The following SYNDIG1 variants were observed in gnomAD, a reference collection of about 807,000 sequenced individuals.
SYNDIG1 encodes synapse differentiation-inducing gene protein 1.
SYNDIG1 carries 9 observed loss-of-function variants against 19.4 expected under a neutral mutation model. The observed-to-expected ratio is 0.46, with a 90% confidence interval of 0.28 to 0.81. The LOEUF (loss-of-function observed/expected upper bound fraction) is 0.81, where lower values mean the gene tolerates loss of function less well. SYNDIG1 is among the 30% of genes least tolerant of loss of function. The pLI is 0.12. For missense variants in SYNDIG1, 311 were observed against 343.3 expected (o/e 0.91, Z 0.74); for synonymous variants, 141 against 145.9 (o/e 0.97, Z 0.24).
chr20:24,659,091 G>A, intron 3 of SYNDIG1, among the ~76,000 whole-genome samples: 1 of 152,100 alleles, frequency 6.6e-6, no homozygotes, highest in East Asian at 1.9e-4. Context: ...CTGTACTGCT[G>A]AGCGTGGCAT....
At chr20:24,544,469 G>C (rs1484975740) in intron 2 of SYNDIG1, among the ~76,000 whole-genome samples, 1 of 152,218 alleles carries the variant, frequency 6.6e-6, no homozygotes, top group African/African-American at 2.4e-5. Context: ...AAGGGGAAGG[G>C]ATGTCTGTTT....
chr20:24,614,765 T>C (rs1393478229), intron 3 of SYNDIG1, among the ~76,000 whole-genome samples: 1 of 152,186 alleles, frequency 6.6e-6, no homozygotes, highest in Non-Finnish European at 1.5e-5. Context: ...TATTGACAAA[T>C]TGTTGTCAAG....
chr20:24,624,888 CA>C (rs2059098363), intron 3 of SYNDIG1, among the ~76,000 whole-genome samples: 2 of 152,192 alleles, frequency 1.3e-5, no homozygotes, highest in South Asian at 4.1e-4. Context: ...AACTAAATAA[CA>C]GAAAGATACA....
intron 1 of SYNDIG1, among the ~76,000 whole-genome samples, chr20:24,515,636 G>C (rs1212314983): frequency 2.0e-5 from 3 of 151,914 alleles, no homozygotes; most frequent in African/African-American, 7.3e-5. Flanking sequence ...TACAAGGGAT[G>C]TGAAGGACCT....
chr20:24,544,422 C>A (rs564351827), intron 2 of SYNDIG1, among the ~76,000 whole-genome samples: 1 of 152,120 alleles, frequency 6.6e-6, no homozygotes, highest in African/African-American at 2.4e-5. Flanking sequence ...AGGAAACCGC[C>A]GAGCAGGTCC....
intron 1 of SYNDIG1, among the ~76,000 whole-genome samples, chr20:24,480,540 G>A (rs978151160): frequency 3.3e-5 from 5 of 152,200 alleles, no homozygotes; most frequent in African/African-American, 9.7e-5. Flanking sequence ...GTGAGAGGAC[G>A]TAGTTGCTAT....
intron 3 of SYNDIG1, among the ~76,000 whole-genome samples, chr20:24,585,971 GGCTGAGCCCAGCAGTT>G (rs1318203953): frequency 1.3e-5 from 2 of 152,224 alleles, no homozygotes; most frequent in Non-Finnish European, 1.5e-5. Context: ...CAGATTTCCT[GGCTGAGCCCAGCAGTT>G]GCTTCTTGAT....
intron 2 of SYNDIG1, among the ~76,000 whole-genome samples, chr20:24,571,634 T>C (rs750071247): frequency 4.6e-5 from 7 of 152,206 alleles, no homozygotes; most frequent in Non-Finnish European, 1.0e-4. Flanking sequence ...CTTAAATACA[T>C]GCTTTTCTTT....
At chr20:24,625,301 G>C (rs910384333) in intron 3 of SYNDIG1, among the ~76,000 whole-genome samples, 2 of 150,974 alleles carry the variant, frequency 1.3e-5, no homozygotes, top group Non-Finnish European at 2.9e-5. Context: ...TAAACCTCTA[G>C]CCAGGCTAAC....
At chr20:24,612,982 T>C (rs1194768715) in intron 3 of SYNDIG1, among the ~76,000 whole-genome samples, 1 of 152,152 alleles carries the variant, frequency 6.6e-6, no homozygotes, top group Admixed American at 6.5e-5. Flanking sequence ...ACAACACTGA[T>C]GAGATGGGAA....
At chr20:24,570,713 C>G (rs187535254) in intron 2 of SYNDIG1, among the ~76,000 whole-genome samples, 57 of 152,274 alleles carry the variant, frequency 3.7e-4, no homozygotes, top group South Asian at 2.7e-3. Flanking sequence ...GGAATGCAAA[C>G]TGGAACAGCA....
Position 24,634,900 on chromosome 20 carries a change from C to G in SYNDIG1, c.619-30446C>G, listed in dbSNP as rs373549558. ...GGCACTACAGTCCAGTTCTTTACAG[C>G]TGCTGAGCATTGGTTGTGCGGTGTC... is the stretch of plus-strand genomic sequence containing the variant. On this transcript the variant is annotated intron_variant, in intron 3 of 3. Coordinates refer to ENST00000376862, the MANE Select transcript of SYNDIG1 (RefSeq NM_024893.3). Among the ~76,000 whole-genome samples, 261 of 152,330 alleles carry G rather than the reference C, an allele frequency of 1.7e-3. 2 individuals carry two copies. The highest frequency in any genetic ancestry group is 6.1e-3 in the African/African-American group (253 of 41,562).
intron 1 of SYNDIG1, among the ~76,000 whole-genome samples, chr20:24,536,857 C>T (rs867228084): frequency 4.6e-5 from 7 of 152,146 alleles, no homozygotes; most frequent in African/African-American, 1.4e-4. Context: ...AGCAGGGAAC[C>T]ATCACTGGGG....
intron 3 of SYNDIG1, among the ~76,000 whole-genome samples, chr20:24,592,434 G>A (rs962243862): frequency 6.6e-6 from 1 of 152,038 alleles, no homozygotes; most frequent in South Asian, 2.1e-4. Flanking sequence ...TGTAACCACC[G>A]TCAAGACATT....
intron 1 of SYNDIG1, among the ~76,000 whole-genome samples, chr20:24,504,237 T>C (rs7264095): frequency 0.48 from 73,487 of 152,000 alleles, 18,394 homozygotes; most frequent in African/African-American, 0.6. Flanking sequence ...GGATTACAGG[T>C]GTGAGCCACC....
intron 3 of SYNDIG1, among the ~76,000 whole-genome samples, chr20:24,613,892 G>A (rs2058887264): frequency 6.6e-6 from 1 of 152,248 alleles, no homozygotes; most frequent in South Asian, 2.1e-4. Context: ...CGTGAATGGA[G>A]AGGCCATGCT....
chr20:24,638,834 G>A (rs1001923422), intron 3 of SYNDIG1, among the ~76,000 whole-genome samples: 1 of 152,228 alleles, frequency 6.6e-6, no homozygotes, highest in Non-Finnish European at 1.5e-5. Context: ...GCTTGTGATG[G>A]CTTCTGATTC....
intron 1 of SYNDIG1, among the ~76,000 whole-genome samples, chr20:24,524,304 C>T (rs2057068802): frequency 6.6e-6 from 1 of 152,194 alleles, no homozygotes; most frequent in South Asian, 2.1e-4. Context: ...CACACTCCTT[C>T]TTCTCGCCTT....
chr20:24,511,417 C>A (rs1462491306), intron 1 of SYNDIG1, among the ~76,000 whole-genome samples: 2 of 152,196 alleles, frequency 1.3e-5, no homozygotes, highest in African/African-American at 4.8e-5. Context: ...CAGCACCAGG[C>A]CAATGGGACC....
Sources: allele counts gnomAD v4.1 joint callset (sites outside exome capture counted in the v4.1 genomes callset), GRCh38; gene constraint gnomAD v4.1.1; transcripts MANE v1.5; gene names NCBI Gene and HGNC (gene_info 2026-07-23, HGNC 2026-07-21).